The following XRN1 variants were observed in gnomAD, a reference collection of about 807,000 sequenced individuals.
XRN1 encodes 5'-3' exoribonuclease 1, also known as strand-exchange protein 1 homolog.
XRN1 carries 67 observed loss-of-function variants against 222.3 expected under a neutral mutation model. That is an observed-to-expected ratio of 0.30 (90% CI 0.25 to 0.37). The LOEUF is 0.37. Ranked by LOEUF, XRN1 falls within the 10% of genes least tolerant of loss-of-function variation. The pLI is 1.00. For synonymous variants in XRN1, 643 were observed against 652.4 expected, an observed-to-expected ratio of 0.99 and a Z score of 0.22; for missense variants, 1,707 against 2,000.2, an observed-to-expected ratio of 0.85 and a Z score of 2.80.
intron 27 of XRN1, among the ~76,000 whole-genome samples, chr3:142,369,875 G>T (rs938579158): frequency 5.9e-5 from 9 of 151,314 alleles, no homozygotes; most frequent in African/African-American, 1.7e-4. Context: ...GCGAAATGCC[G>T]TCTCTACTAA....
At chr3:142,364,890 GAA>G (rs1220238866) in intron 29 of XRN1, among the ~76,000 whole-genome samples, 155 bp downstream of exon 29, 1 of 149,924 alleles carries the variant, frequency 6.7e-6, no homozygotes, top group East Asian at 1.9e-4. Flanking sequence ...TTTTTTCTCT[GAA>G]AAGTATAACC....
At chr3:142,407,774 CT>C (rs543479943) in intron 15 of XRN1, 88 of 152,156 alleles carry the variant, frequency 5.8e-4, no homozygotes, top group African/African-American at 1.7e-3. Context: ...AGAGCACTGT[CT>C]TTTTTTAAAC....
At chr3:142,384,756 A>T in intron 20 of XRN1, 71 bp from the exon 21 acceptor site, 1 of 1,116,680 alleles carries the variant, frequency 9.0e-7, no homozygotes, top group Middle Eastern at 2.5e-4. Context: ...ATAATCGTCA[A>T]CTATCGTAAA....
At chr3:142,418,642 C>A (rs1321304335) in intron 11 of XRN1, 33 bp from the exon 12 acceptor site, 1 of 1,533,516 alleles carries the variant, frequency 6.5e-7, no homozygotes, top group Middle Eastern at 1.7e-4. Context: ...TAGTGACTGA[C>A]AATTATGAAT....
intron 11 of XRN1, 73 bp downstream of exon 11, chr3:142,418,735 AAATTAGT>A: frequency 1.3e-6 from 2 of 1,529,414 alleles, no homozygotes; most frequent in Non-Finnish European, 1.8e-6. Context: ...GTTCCACCCA[AAATTAGT>A]AATAATAAAT....
At chr3:142,332,336 T>A (rs746578713) in intron 36 of XRN1, 39 bp downstream of exon 36, 42 of 1,406,958 alleles carry the variant, frequency 3.0e-5, no homozygotes, top group Non-Finnish European at 4.0e-5. Context: ...ATTGAATTTT[T>A]AAAATGATAT....
chr3:142,315,312 G>C (rs2065183373), intron 39 of XRN1, among the ~76,000 whole-genome samples: 1 of 151,846 alleles, frequency 6.6e-6, no homozygotes, highest in Non-Finnish European at 1.5e-5. Flanking sequence ...GTTTTGTTTT[G>C]GTTTGGTTTG....
intron 20 of XRN1, among the ~76,000 whole-genome samples, chr3:142,386,443 C>T (rs927009367): frequency 1.8e-4 from 27 of 151,798 alleles, no homozygotes; most frequent in Non-Finnish European, 3.8e-4. Context: ...TTGACAGCTG[C>T]GGAAAAAACA....
At chr3:142,410,875 T>C (rs913437651) in intron 15 of XRN1, among the ~76,000 whole-genome samples, 5 of 152,128 alleles carry the variant, frequency 3.3e-5, no homozygotes, top group East Asian at 1.9e-4. Context: ...TAATGCCATG[T>C]CAAATTTGGG....
chr3:142,418,787 C>T (rs767406048), intron 11 of XRN1, 28 bp downstream of exon 11: 2 of 1,607,170 alleles, frequency 1.2e-6, no homozygotes, highest in Middle Eastern at 1.7e-4. Flanking sequence ...AAAGTAGTAA[C>T]ATATCAAAAC....
At chr3:142,363,801 C>T (rs978837747) in intron 29 of XRN1, among the ~76,000 whole-genome samples, 1 of 152,178 alleles carries the variant, frequency 6.6e-6, no homozygotes, top group Non-Finnish European at 1.5e-5. Context: ...ATAAATTTTA[C>T]AACCAGCTTA....
chr3:142,407,866 G>A (rs1559857449), intron 15 of XRN1: 1 of 152,216 alleles, frequency 6.6e-6, no homozygotes, highest in East Asian at 1.9e-4. Context: ...TTCATTATCA[G>A]CCTGCCATTA....
intron 39 of XRN1, among the ~76,000 whole-genome samples, chr3:142,318,305 A>G (rs2065260456): frequency 6.7e-6 from 1 of 149,844 alleles, no homozygotes; most frequent in African/African-American, 2.4e-5. Flanking sequence ...AAGAAATTAC[A>G]TGATTTTTTT....
chr3:142,405,091 T>G lies in XRN1; in HGVS notation c.1714-15A>C. ...AATAATCGCTTCTGAATATAAGGAT[T>G]GAAGAGAAGGGTTACAAGCATAAAA... On this transcript the variant is annotated splice_polypyrimidine_tract_variant and intron_variant, in intron 15 of 40. Transcript: ENST00000392981. 6.2e-7 allele frequency: 1 copy of G among 1,611,978 alleles called. No homozygotes were observed. The highest frequency in any genetic ancestry group is 8.5e-7 in the Non-Finnish European group (1 of 1,178,386).
chr3:142,393,604 T>C (rs2067818505), intron 20 of XRN1, among the ~76,000 whole-genome samples: 1 of 152,026 alleles, frequency 6.6e-6, no homozygotes, highest in Non-Finnish European at 1.5e-5. Context: ...ATTGCTTGTT[T>C]TTCTCAGGTT....
chr3:142,426,571 G>A, intron 3 of XRN1, 173 bp downstream of exon 3: 1 of 584,362 alleles, frequency 1.7e-6, no homozygotes. Flanking sequence ...TTTTGTAGGA[G>A]TATTTATGAC....
intron 36 of XRN1, among the ~76,000 whole-genome samples, chr3:142,329,990 T>C (rs1034772106): frequency 6.6e-6 from 1 of 152,202 alleles, no homozygotes; most frequent in Non-Finnish European, 1.5e-5. Context: ...CCTAAAATTA[T>C]TGTGACTTCA....
intron 20 of XRN1, among the ~76,000 whole-genome samples, chr3:142,390,952 T>C (rs949451964): frequency 6.6e-5 from 10 of 152,154 alleles, no homozygotes; most frequent in Admixed American, 4.6e-4. Context: ...AGGGGACCGT[T>C]GGTTGGTAGA....
rs369306265 is a variant in XRN1, at chr3:142,375,821, T to C, written c.2955A>G (p.Gln985=). The C allele has an allele frequency of 6.8e-6, 11 of 1,613,668 alleles. No homozygotes were observed. The African/African-American group carries it at 1.3e-4, about 20-fold the overall frequency. ...ACCTCTCTAAGTACTCTGCCAGAAG[T>C]TGTTCTGCTGCAGATGAATACATCC... ...SEWMYSSAAE[Q]LLAEYLERAP... The change falls in exon 25 of 41, where the codon CAA becomes CAG. Residue 985 remains glutamine (Q), a synonymous_variant. Coordinates refer to ENST00000392981, the MANE Select transcript of XRN1 (RefSeq NM_001282857.2).
Sources: allele counts gnomAD v4.1 joint callset (sites outside exome capture counted in the v4.1 genomes callset), GRCh38; gene constraint gnomAD v4.1.1; transcripts MANE v1.5; gene names NCBI Gene and HGNC (gene_info 2026-07-23, HGNC 2026-07-21).